Variants in PTPRN2 observed in about 807,000 individuals in gnomAD.
PTPRN2 encodes protein tyrosine phosphatase receptor type N2, also known as receptor-type tyrosine-protein phosphatase N2.
PTPRN2 carries 74 observed loss-of-function variants against 118.8 expected under a neutral mutation model. That is an observed-to-expected ratio of 0.62 (90% CI 0.52 to 0.76). The LOEUF is 0.76. PTPRN2 is among the 30% of genes least tolerant of loss of function. The probability of loss-of-function intolerance (pLI) is 0.00; values close to 1 mark genes in which losing one functional copy is unlikely to be tolerated. For missense variants in PTPRN2, 1,481 were observed against 1,394.4 expected, an observed-to-expected ratio of 1.06 and a Z score of -0.99; for synonymous variants, 641 against 608.0, an observed-to-expected ratio of 1.05 and a Z score of -0.80.
chr7:158,369,896 G>A (rs1300666142), intron 2 of PTPRN2, among the ~76,000 whole-genome samples: 1 of 152,164 alleles, frequency 6.6e-6, no homozygotes, highest in South Asian at 2.1e-4. Context: ...AGAAGTCCCC[G>A]ACCTGACTGG....
rs111162943 is a variant in PTPRN2 at position 158,386,201 on chromosome 7, G to A, written c.164-69269C>T. Among the ~76,000 whole-genome samples the A allele has an allele frequency of 3.2e-4, 35 of 109,362 alleles. 1 individual carries two copies. The highest frequency in any genetic ancestry group is 1.2e-3 in the African/African-American group (28 of 23,550). 71.7% of individuals were successfully genotyped at this position (109,362 alleles called of 152,430 possible). ...CCCCAAGTCCCTCCTCCCGTGCCCCGAGTCCCTCCTCCTGTGCTCTGAGTC... is the reference window on the plus strand; with the variant it reads ...CCCCAAGTCCCTCCTCCCGTGCCCCAAGTCCCTCCTCCTGTGCTCTGAGTC... On this transcript the variant is annotated intron_variant, in intron 2 of 22. Coordinates refer to ENST00000389418, the MANE Select transcript of PTPRN2 (RefSeq NM_002847.5).
intron 12 of PTPRN2, among the ~76,000 whole-genome samples, chr7:157,775,587 C>T (rs771823466): frequency 6.6e-5 from 10 of 152,330 alleles, no homozygotes; most frequent in East Asian, 3.9e-4. Flanking sequence ...GCTTCGTCCT[C>T]GGGAGCCGGC....
chr7:158,246,769 C>T (rs899966625), intron 3 of PTPRN2, among the ~76,000 whole-genome samples: 25 of 151,946 alleles, frequency 1.6e-4, no homozygotes, highest in African/African-American at 5.8e-4. Context: ...CCAGGGGTGA[C>T]GTCCCCCAGG....
chr7:158,395,923 G>GT (rs1336200053), intron 2 of PTPRN2, among the ~76,000 whole-genome samples: 1 of 152,050 alleles, frequency 6.6e-6, no homozygotes, highest in Non-Finnish European at 1.5e-5. Context: ...AGCAGGTGAG[G>GT]TCGGGCTACA....
chr7:157,837,601 T>C (rs1808063722), intron 12 of PTPRN2, among the ~76,000 whole-genome samples: 1 of 152,050 alleles, frequency 6.6e-6, no homozygotes, highest in Non-Finnish European at 1.5e-5. Flanking sequence ...TGCTGGGTCA[T>C]GCCCTCTTGC....
chr7:157,827,481 A>G (rs1288048527), intron 12 of PTPRN2, among the ~76,000 whole-genome samples: 1 of 152,224 alleles, frequency 6.6e-6, no homozygotes, highest in Non-Finnish European at 1.5e-5. Flanking sequence ...GGGGCCTGAG[A>G]AAGCGTTCGG....
At chr7:158,402,139 A>G (rs1490216683) in intron 2 of PTPRN2, among the ~76,000 whole-genome samples, 1 of 152,148 alleles carries the variant, frequency 6.6e-6, no homozygotes, top group African/African-American at 2.4e-5. Flanking sequence ...CACACCTGGG[A>G]AAAGGGAGAA....
In PTPRN2 at chr7:157,560,471, G is replaced by A. The variant is rs1013985771; in HGVS notation, c.2902+8431C>T. On this transcript the variant is annotated intron_variant, in intron 21 of 22. Coordinates refer to ENST00000389418, the MANE Select transcript of PTPRN2 (RefSeq NM_002847.5). The surrounding 1 kb of genome is among the most constrained non-coding windows in gnomAD (Gnocchi z 6.7). The stretch of plus-strand genomic sequence containing the variant: ...CCTGGGTGGGGTCAGCCACGCCCCC[G>A]GACCACTGCTCCAACCAGCGTTCGT... Among the ~76,000 whole-genome samples, 5 of 152,136 alleles carry A rather than the reference G, an allele frequency of 3.3e-5. No homozygotes were observed. The highest frequency in any genetic ancestry group is 9.7e-5 in the African/African-American group (4 of 41,422).
intron 3 of PTPRN2, among the ~76,000 whole-genome samples, chr7:158,286,171 T>C (rs930865248): frequency 3.9e-5 from 6 of 152,274 alleles, no homozygotes; most frequent in Non-Finnish European, 7.3e-5. Context: ...ATTCTCAGTG[T>C]ATAAAAATGC....
At chr7:158,025,078 C>A (rs776509044) in intron 11 of PTPRN2, among the ~76,000 whole-genome samples, 4 of 152,026 alleles carry the variant, frequency 2.6e-5, no homozygotes, top group Non-Finnish European at 5.9e-5. Flanking sequence ...GGAAAGCAGG[C>A]AAACATGCAC....
At chr7:157,697,461 A>T (rs1381105322) in intron 12 of PTPRN2, among the ~76,000 whole-genome samples, 1 of 101,094 alleles carries the variant, frequency 9.9e-6, no homozygotes, top group African/African-American at 4.2e-5. Flanking sequence ...ACTGGGTCTT[A>T]GTAGAGCCCT....
chr7:158,131,352 A>C (rs1013893846), intron 9 of PTPRN2, among the ~76,000 whole-genome samples: 2 of 143,060 alleles, frequency 1.4e-5, no homozygotes, highest in Non-Finnish European at 3.0e-5. Flanking sequence ...CATTTGCACA[A>C]ACCAATACAC....
intron 11 of PTPRN2, among the ~76,000 whole-genome samples, chr7:157,930,928 AC>A (rs914474622): frequency 6.6e-6 from 1 of 152,186 alleles, no homozygotes; most frequent in Admixed American, 6.5e-5. Flanking sequence ...AAGAGGCAGA[AC>A]CAGCTTCCCG....
At chr7:158,466,944 G>A (rs1330111147) in intron 2 of PTPRN2, among the ~76,000 whole-genome samples, 1 of 152,206 alleles carries the variant, frequency 6.6e-6, no homozygotes, top group Non-Finnish European at 1.5e-5. Flanking sequence ...GGGAGGCTGA[G>A]GCAGGAGAAT....
chr7:158,379,050 G>A (rs374839426), intron 2 of PTPRN2, among the ~76,000 whole-genome samples: 1 of 152,176 alleles, frequency 6.6e-6, no homozygotes, highest in Non-Finnish European at 1.5e-5. Flanking sequence ...GAGGCAGGGT[G>A]CGGGGTGAGA....
rs148506159 is a variant in PTPRN2 at position 158,069,164 on chromosome 7, T to C, written c.1723+12134A>G. ...TTAGTGCCTGACACGGTGGGTCTTA[T>C]CAGCTCAAGATCCTCTCCCATTCTT... On this transcript the variant is annotated intron_variant, in intron 11 of 22. Coordinates refer to ENST00000389418, the MANE Select transcript of PTPRN2 (RefSeq NM_002847.5). Among the ~76,000 whole-genome samples, 12 of 152,274 alleles carry C rather than the reference T, an allele frequency of 7.9e-5. No homozygotes were observed. In the East Asian group the frequency reaches 2.3e-3, roughly 29 times the overall value.
At chr7:158,196,517 C>A (rs1329535087) in intron 4 of PTPRN2, among the ~76,000 whole-genome samples, 4 of 152,222 alleles carry the variant, frequency 2.6e-5, no homozygotes, top group Non-Finnish European at 4.4e-5. Context: ...GCTCCTGAGG[C>A]CTCTGTCATG....
intron 2 of PTPRN2, among the ~76,000 whole-genome samples, chr7:158,411,710 G>A (rs77074337): frequency 3.3e-5 from 5 of 152,222 alleles, no homozygotes; most frequent in Admixed American, 6.5e-5. Context: ...GCGCCGCCCC[G>A]CGGCACTCAC....
chr7:158,556,874 C>T (rs1158416274), intron 1 of PTPRN2, among the ~76,000 whole-genome samples: 5 of 144,418 alleles, frequency 3.5e-5, no homozygotes, highest in African/African-American at 1.0e-4. Context: ...GCAGGTCAGG[C>T]GGCTCCCGTG....
Sources: gnomAD v4.1 joint callset for allele counts (sites outside exome capture counted in the v4.1 genomes callset) on GRCh38, gnomAD v4.1.1 for gene constraint, Gnocchi (gnomAD v3.1) non-coding constraint, MANE v1.5 for transcripts, NCBI Gene and HGNC (gene_info 2026-07-23, HGNC 2026-07-21) for gene names.